The following SLC43A2 variants were observed in gnomAD, a reference collection of about 807,000 sequenced individuals.
SLC43A2 encodes solute carrier family 43 member 2.
In SLC43A2, 38 loss-of-function variants were observed where a neutral mutation model predicts 63.2. The observed-to-expected ratio is 0.60, with a 90% CI of 0.46 to 0.79. The LOEUF is 0.79. SLC43A2 is among the 30% of genes least tolerant of loss of function. The pLI is 0.00. For synonymous variants in SLC43A2, 322 were observed against 331.0 expected, an observed-to-expected ratio of 0.97 and a Z score of 0.30; for missense variants, 644 against 756.2, an observed-to-expected ratio of 0.85 and a Z score of 1.74.
At chr17:1,586,601 G>A (rs55726604) in intron 9 of SLC43A2, among the ~76,000 whole-genome samples, 51,233 of 151,754 alleles carry the variant, frequency 0.34, 9,223 homozygotes, top group East Asian at 0.47. Flanking sequence ...AGGCTACAAG[G>A]AGAATCACTT....
In SLC43A2 at chr17:1,626,462, T is replaced by C. The variant is rs548540772; in HGVS notation, c.160+1253A>G. ...CTATTAGGAAATATTTTTGAGTGGC[T>C]AAAGGCTAAAGGTTAGTTATAAATG... On this transcript the variant is annotated intron_variant, in intron 2 of 13. Coordinates refer to ENST00000301335, the MANE Select transcript of SLC43A2 (RefSeq NM_152346.3). Among the ~76,000 whole-genome samples, 5 of 152,262 alleles carry C rather than the reference T, an allele frequency of 3.3e-5. No homozygotes were observed. The South Asian group carries it at 1.0e-3, about 32-fold the overall frequency.
At chr17:1,587,273 T>A (rs12946197) in intron 9 of SLC43A2, among the ~76,000 whole-genome samples, 1 of 151,790 alleles carries the variant, frequency 6.6e-6, no homozygotes, top group Non-Finnish European at 1.5e-5. Flanking sequence ...CGTTGGCGGG[T>A]AGCGTGATGG....
At chr17:1,617,547 C>T (rs1369907844) in intron 2 of SLC43A2, among the ~76,000 whole-genome samples, 1 of 152,130 alleles carries the variant, frequency 6.6e-6, no homozygotes, top group Non-Finnish European at 1.5e-5. Flanking sequence ...CCTGCCACCG[C>T]GCCCGGCTAG....
intron 5 of SLC43A2, among the ~76,000 whole-genome samples, chr17:1,600,345 T>C (rs1384947579): frequency 1.4e-5 from 2 of 147,706 alleles, no homozygotes; most frequent in African/African-American, 2.5e-5. Flanking sequence ...GAGACGGGGT[T>C]TAGCCATGTT....
In SLC43A2 at chr17:1,593,087, G is replaced by T. The variant is rs1265747757; in HGVS notation, c.594+100C>A. 1.7e-6 allele frequency: 2 copies of T among 1,167,654 alleles called. No individual in the cohort carries two copies. The highest frequency in any genetic ancestry group is 2.0e-5 in the Admixed American group (1 of 49,888). 72.3% of individuals were successfully genotyped at this position (1,167,654 alleles called of 1,614,324 possible). On this transcript the variant is annotated intron_variant, in intron 6 of 13. Transcript: ENST00000301335. This position sits in a 1 kb window ranked among gnomAD's most constrained non-coding sequence, Gnocchi z 5.3. ...GCCCGGGTGGGGGTGGTGGAGAGGGGCCACCCCGGGTGCCCACAATTGCCT... is the reference window on the plus strand; with the variant it reads ...GCCCGGGTGGGGGTGGTGGAGAGGGTCCACCCCGGGTGCCCACAATTGCCT...
chr17:1,578,148 G>T lies in SLC43A2; in HGVS notation c.1424+102C>A. On this transcript the variant is annotated intron_variant, in intron 12 of 13. Transcript: ENST00000301335. This position sits in a 1 kb window ranked among gnomAD's most constrained non-coding sequence, Gnocchi z 6.5. ...GAAGCAGGAAGATGAGCCCTTCTGG[G>T]ACAGGCTGACCCTGCCTCAGAGTCT... is the stretch of plus-strand genomic sequence containing the variant. The T allele has an allele frequency of 8.4e-7, 1 of 1,187,124 alleles. No homozygotes were observed. The highest frequency in any genetic ancestry group is 1.2e-6 in the Non-Finnish European group (1 of 817,680). 73.5% of individuals were successfully genotyped at this position (1,187,124 alleles called of 1,614,324 possible).
At chr17:1,584,173 G>A (rs1435507296) in intron 10 of SLC43A2, among the ~76,000 whole-genome samples, 7 of 152,034 alleles carry the variant, frequency 4.6e-5, no homozygotes, top group Non-Finnish European at 8.8e-5. Flanking sequence ...GATTACAGGT[G>A]TGAGCCACCG....
intron 2 of SLC43A2, among the ~76,000 whole-genome samples, chr17:1,620,810 G>C (rs12451477): frequency 0.96 from 146,302 of 152,122 alleles, 70,621 homozygotes; most frequent in East Asian, 1. Context: ...TCTCCCTCTG[G>C]TCCCACCTGG....
chr17:1,602,865 T>A (rs1352936510), intron 5 of SLC43A2, among the ~76,000 whole-genome samples: 1 of 150,952 alleles, frequency 6.6e-6, no homozygotes, highest in African/African-American at 2.4e-5. Flanking sequence ...TTCATGCGAT[T>A]CTCCTGCCTC....
chr17:1,582,408 C>T (rs141844944), intron 11 of SLC43A2, among the ~76,000 whole-genome samples: 141 of 152,324 alleles, frequency 9.3e-4, no homozygotes, highest in Non-Finnish European at 1.6e-3. Flanking sequence ...TATGAAGCCA[C>T]CATCAAGGTC....
intron 5 of SLC43A2, among the ~76,000 whole-genome samples, chr17:1,595,810 C>G (rs1905234641): frequency 6.6e-6 from 1 of 152,112 alleles, no homozygotes; most frequent in African/African-American, 2.4e-5. Context: ...CTCCTGGCCT[C>G]AAGCTCTTCT....
chr17:1,627,329 G>A (rs1204595312), intron 2 of SLC43A2, among the ~76,000 whole-genome samples: 4 of 152,160 alleles, frequency 2.6e-5, no homozygotes, highest in Non-Finnish European at 5.9e-5. Flanking sequence ...TTAATCTGGA[G>A]TTCCTCTTTC....
At position 1,615,022 on chromosome 17, in the gene SLC43A2, C is replaced by T. The variant is rs755807269; in HGVS notation, c.381G>A (p.Ala127=). 5.0e-6 allele frequency: 8 copies of T among 1,613,896 alleles called. No individual in the cohort carries two copies. The highest frequency in any genetic ancestry group is 1.3e-5 in the African/African-American group (1 of 74,980). ...KLRLLGSACF[A]VSCLLIAYGA... ...CGTACGCAATCAGCAAGCAGGAAAC[C>T]GCGAAGCAGGCGCTAAAACCAAGCA... The change falls in exon 4 of 14, where the codon GCG becomes GCA. Residue 127 remains alanine, a synonymous_variant. Coordinates refer to ENST00000301335, the MANE Select transcript of SLC43A2 (RefSeq NM_152346.3).
rs1444919995 is a variant in SLC43A2 at position 1,606,543 on chromosome 17, C to T, written c.501+6652G>A. On this transcript the variant is annotated intron_variant, in intron 5 of 13. Transcript: ENST00000301335. This position sits in a 1 kb window ranked among gnomAD's most constrained non-coding sequence, Gnocchi z 4.7. The stretch of plus-strand genomic sequence containing the variant: ...AGTAATGGAGTGGAAATGGCAGGTT[C>T]ACAATTTTGGCTACAGCTGCTCCCA... Among the ~76,000 whole-genome samples the T allele has an allele frequency of 6.6e-6, 1 of 152,216 alleles. No homozygotes were observed.
At chr17:1,603,915 C>T (rs926303739) in intron 5 of SLC43A2, among the ~76,000 whole-genome samples, 3 of 152,244 alleles carry the variant, frequency 2.0e-5, no homozygotes, top group South Asian at 2.1e-4. Context: ...CCCCAGGCCA[C>T]GCTGCCTCTC....
At position 1,605,135 on chromosome 17, in the gene SLC43A2, C is replaced by G. The variant is rs1464662474; in HGVS notation, c.501+8060G>C. On this transcript the variant is annotated intron_variant, in intron 5 of 13. Coordinates refer to ENST00000301335, the MANE Select transcript of SLC43A2 (RefSeq NM_152346.3). The surrounding 1 kb of genome is among the most constrained non-coding windows in gnomAD (Gnocchi z 4.9). The stretch of plus-strand genomic sequence containing the variant: ...CCTCAGGTGCTTCCCACAGCCCCCT[C>G]GCCGCCTCTGCCTCCGTGCGGGTCA... The G allele has an allele frequency of 7.8e-7, 1 of 1,282,358 alleles. No individual in the cohort carries two copies. Among genetic ancestry groups the G allele is most frequent in the South Asian group, 1.7e-5 (1 of 58,216 alleles). The allele number at this position is 1,282,358 out of a possible 1,614,324, so 79.4% of individuals were successfully genotyped here.
At position 1,583,201 on chromosome 17, in the gene SLC43A2, C is replaced by T; in HGVS notation, c.1350+3G>A. On this transcript the variant is annotated splice_donor_region_variant and intron_variant, in intron 11 of 13. Coordinates refer to ENST00000301335, the MANE Select transcript of SLC43A2 (RefSeq NM_152346.3). This position sits in a 1 kb window ranked among gnomAD's most constrained non-coding sequence, Gnocchi z 5.5. ...ACCTGCCCCTCCCACTCCCCACACC[C>T]ACCTGGAGAGGCAGGTTGGGAATGA... 1 of 1,613,948 alleles carries T rather than the reference C, an allele frequency of 6.2e-7. No individual in the cohort carries two copies. The highest frequency in any genetic ancestry group is 1.7e-5 in the Admixed American group (1 of 60,024).
intron 9 of SLC43A2, among the ~76,000 whole-genome samples, chr17:1,587,635 G>A (rs1266706556): frequency 6.6e-6 from 1 of 152,204 alleles, no homozygotes; most frequent in Non-Finnish European, 1.5e-5. Context: ...ACCCATATGT[G>A]AGTGCTGGCT....
upstream of SLC43A2, among the ~76,000 whole-genome samples, chr17:1,630,038 G>C (rs999279280): frequency 3.3e-5 from 5 of 152,170 alleles, no homozygotes; most frequent in Admixed American, 6.5e-5. Flanking sequence ...ACAGGAGTTT[G>C]AGACCAGCCT....
Sources: gnomAD v4.1 joint callset for allele counts (sites outside exome capture counted in the v4.1 genomes callset) on GRCh38, gnomAD v4.1.1 for gene constraint, Gnocchi (gnomAD v3.1) non-coding constraint, MANE v1.5 for transcripts, NCBI Gene and HGNC (gene_info 2026-07-23, HGNC 2026-07-21) for gene names.